The following RALGPS1 variants were observed in gnomAD, a reference collection of about 807,000 sequenced individuals.
The protein encoded by RALGPS1 is ras-specific guanine nucleotide-releasing factor RalGPS1.
RALGPS1 carries 19 observed loss-of-function variants against 78.8 expected under a neutral mutation model. That is an observed-to-expected ratio of 0.24 (90% CI 0.17 to 0.35). RALGPS1 has a LOEUF of 0.35. RALGPS1 is among the 10% of genes least tolerant of loss of function. RALGPS1 has a pLI of 1.00. For missense variants in RALGPS1, 454 were observed against 688.3 expected (o/e 0.66, Z 3.81); for synonymous variants, 228 against 256.3 (o/e 0.89, Z 1.06).
chr9:127,104,626 C>G (rs957288714), intron 8 of RALGPS1, among the ~76,000 whole-genome samples: 1 of 152,216 alleles, frequency 6.6e-6, no homozygotes, highest in Non-Finnish European at 1.5e-5. Context: ...TCTCAGTAGG[C>G]CATCCTGGCC....
At chr9:126,948,283 A>T (rs2037474401) in intron 1 of RALGPS1, among the ~76,000 whole-genome samples, 2 of 152,350 alleles carry the variant, frequency 1.3e-5, no homozygotes, top group East Asian at 1.9e-4. Context: ...TGGGAGGCCG[A>T]GGTGGGCAGA....
At chr9:126,932,983 G>T (rs764799741) in intron 1 of RALGPS1, among the ~76,000 whole-genome samples, 2 of 152,182 alleles carry the variant, frequency 1.3e-5, no homozygotes. Flanking sequence ...CTGTGTTAGG[G>T]TTGCTTTCCT....
At chr9:127,147,169 A>G (rs944618687) in intron 8 of RALGPS1, among the ~76,000 whole-genome samples, 2 of 152,152 alleles carry the variant, frequency 1.3e-5, no homozygotes, top group East Asian at 1.9e-4. Flanking sequence ...GGCTGCTTGT[A>G]TGTCTTCTTT....
intron 8 of RALGPS1, among the ~76,000 whole-genome samples, chr9:127,101,151 A>G (rs921020932): frequency 1.3e-5 from 2 of 152,216 alleles, no homozygotes; most frequent in African/African-American, 2.4e-5. Flanking sequence ...AATGCTTTGT[A>G]TATTTATCTC....
chr9:127,205,080 C>T lies in RALGPS1; in HGVS notation c.1247+6014C>T, dbSNP rs2061859568. ...CACACCTGTGGCTGAGGCCAGGATCCCAGGCTCTCATTCTTCCCCTGAGTC... is the reference window on the plus strand; with the variant it reads ...CACACCTGTGGCTGAGGCCAGGATCTCAGGCTCTCATTCTTCCCCTGAGTC... On this transcript the variant is annotated intron_variant, in intron 14 of 18. Transcript: ENST00000259351. The surrounding 1 kb of genome is among the most constrained non-coding windows in gnomAD (Gnocchi z 4.0). 1.3e-5 allele frequency among the ~76,000 whole-genome samples: 2 copies of T among 152,352 alleles called. No homozygotes were observed. Among genetic ancestry groups the T allele is most frequent in the Non-Finnish European group, 2.9e-5 (2 of 68,038 alleles).
At chr9:126,944,012 A>G (rs535609391) in intron 1 of RALGPS1, among the ~76,000 whole-genome samples, 1 of 152,360 alleles carries the variant, frequency 6.6e-6, no homozygotes, top group Non-Finnish European at 1.5e-5. Flanking sequence ...ACCCTAACAC[A>G]GGACCCTCTG....
intron 4 of RALGPS1, among the ~76,000 whole-genome samples, chr9:127,008,814 T>A (rs527366504): frequency 6.6e-6 from 1 of 152,210 alleles, no homozygotes; most frequent in Admixed American, 6.5e-5. Context: ...TCATGTATAA[T>A]GAATTTAGAT....
intron 7 of RALGPS1, among the ~76,000 whole-genome samples, chr9:127,066,365 G>C (rs2049702697): frequency 6.6e-6 from 1 of 152,252 alleles, no homozygotes; most frequent in Non-Finnish European, 1.5e-5. Flanking sequence ...CTTTGGCCGG[G>C]CATGGTGGCT....
intron 8 of RALGPS1, among the ~76,000 whole-genome samples, chr9:127,071,010 CTT>C (rs1216445466): frequency 6.8e-6 from 1 of 146,562 alleles, no homozygotes; most frequent in South Asian, 2.1e-4. Flanking sequence ...ATAATATTCT[CTT>C]ATAAATTTGA....
chr9:127,035,207 A>G (rs2046764211), intron 5 of RALGPS1, among the ~76,000 whole-genome samples: 1 of 152,158 alleles, frequency 6.6e-6, no homozygotes, highest in Non-Finnish European at 1.5e-5. Context: ...TTAACAATAT[A>G]TGGAACGAAT....
chr9:126,998,228 C>A (rs957661566), intron 4 of RALGPS1, among the ~76,000 whole-genome samples: 2 of 151,912 alleles, frequency 1.3e-5, no homozygotes, highest in Non-Finnish European at 2.9e-5. Flanking sequence ...TCAGAGTGAA[C>A]AGGCAACCTA....
chr9:127,110,905 C>A (rs2054742804), intron 8 of RALGPS1, among the ~76,000 whole-genome samples: 1 of 152,184 alleles, frequency 6.6e-6, no homozygotes, highest in Non-Finnish European at 1.5e-5. Context: ...CTCCCTGCCC[C>A]AGCCTTGCCC....
chr9:127,127,410 A>G (rs953641714), intron 8 of RALGPS1, among the ~76,000 whole-genome samples: 9 of 152,172 alleles, frequency 5.9e-5, no homozygotes, highest in African/African-American at 4.8e-5. Flanking sequence ...CCATATCCCA[A>G]TGAATTTGTT....
chr9:127,092,749 G>A (rs902031661), intron 8 of RALGPS1, among the ~76,000 whole-genome samples: 7 of 152,146 alleles, frequency 4.6e-5, no homozygotes, highest in African/African-American at 1.7e-4. Context: ...TCATTGCACT[G>A]TATTGCCTCT....
intron 3 of RALGPS1, among the ~76,000 whole-genome samples, chr9:126,977,217 A>G (rs932152091): frequency 5.3e-5 from 8 of 152,348 alleles, no homozygotes; most frequent in Admixed American, 2.6e-4. Flanking sequence ...ATTTAGGGGC[A>G]GTATCAATGA....
At chr9:126,997,286 C>T (rs112830844) in intron 4 of RALGPS1, among the ~76,000 whole-genome samples, 13 of 152,154 alleles carry the variant, frequency 8.5e-5, no homozygotes, top group Non-Finnish European at 1.5e-4. Flanking sequence ...AAAACCCCAT[C>T]GTCTCAGCCC....
intron 4 of RALGPS1, among the ~76,000 whole-genome samples, chr9:127,024,649 T>G (rs1273913032): frequency 1.4e-4 from 22 of 152,174 alleles, no homozygotes; most frequent in Non-Finnish European, 1.5e-5. Flanking sequence ...CTAGTAACCC[T>G]GGGCCATTCA....
intron 4 of RALGPS1, among the ~76,000 whole-genome samples, chr9:127,001,598 T>C (rs1325099166): frequency 6.6e-6 from 1 of 151,948 alleles, no homozygotes; most frequent in Non-Finnish European, 1.5e-5. Flanking sequence ...AAATATGCAA[T>C]AATCGGGCTG....
intron 1 of RALGPS1, among the ~76,000 whole-genome samples, chr9:126,958,142 A>AAAATATATATAT (rs113413659): frequency 3.9e-5 from 3 of 77,084 alleles, no homozygotes; most frequent in Non-Finnish European, 8.3e-5. Context: ...AAAAAAAAAA[A>AAAATATATATAT]ATATATATAT....
Sources: allele counts gnomAD v4.1 joint callset (sites outside exome capture counted in the v4.1 genomes callset), GRCh38; gene constraint gnomAD v4.1.1; non-coding constraint Gnocchi (gnomAD v3.1); transcripts MANE v1.5; gene names NCBI Gene and HGNC (gene_info 2026-07-23, HGNC 2026-07-21).